The following TAFA1 variants were observed in gnomAD, a reference collection of about 807,000 sequenced individuals.
The protein encoded by TAFA1 is TAFA chemokine like family member 1, also known as chemokine-like protein TAFA-1.
In TAFA1, 4 loss-of-function variants were observed where a neutral mutation model predicts 18.5. The ratio of observed to expected loss-of-function variants is 0.22; its 90% CI spans 0.11 to 0.49. TAFA1 has a LOEUF of 0.49. Among genes scored for constraint, TAFA1 ranks in the 20% least tolerant of loss-of-function variants. TAFA1 has a pLI of 0.98. For synonymous variants in TAFA1, 56 were observed against 55.2 expected (o/e 1.01, Z -0.06); for missense variants, 147 against 169.0 (o/e 0.87, Z 0.72).
intron 2 of TAFA1, among the ~76,000 whole-genome samples, chr3:68,035,670 C>T (rs1164087985): frequency 6.6e-6 from 1 of 152,098 alleles, no homozygotes; most frequent in Admixed American, 6.6e-5. Context: ...TGCAGAAATC[C>T]CACTTCTGAG....
intron 2 of TAFA1, among the ~76,000 whole-genome samples, chr3:68,297,678 G>T (rs983578205): frequency 1.3e-5 from 2 of 151,964 alleles, no homozygotes; most frequent in Non-Finnish European, 2.9e-5. Context: ...ATTTAATGAA[G>T]AGGAAAGTTT....
intron 2 of TAFA1, among the ~76,000 whole-genome samples, chr3:68,258,388 G>T (rs922281167): frequency 6.6e-6 from 1 of 152,136 alleles, no homozygotes; most frequent in Non-Finnish European, 1.5e-5. Flanking sequence ...GGCTTCAATT[G>T]GTCAGGACTT....
At chr3:68,076,615 T>C (rs1280994275) in intron 2 of TAFA1, among the ~76,000 whole-genome samples, 1 of 152,262 alleles carries the variant, frequency 6.6e-6, no homozygotes, top group Non-Finnish European at 1.5e-5. Context: ...ATTTCATCCA[T>C]GTCCCTACAA....
intron 2 of TAFA1, among the ~76,000 whole-genome samples, chr3:68,052,932 GACAA>G (rs1312859614): frequency 6.6e-6 from 1 of 152,242 alleles, no homozygotes; most frequent in East Asian, 1.9e-4. Flanking sequence ...ATCTCTACTG[GACAA>G]TATTCATTTT....
chr3:68,278,998 T>A (rs1315827662), intron 2 of TAFA1, among the ~76,000 whole-genome samples: 2 of 152,148 alleles, frequency 1.3e-5, no homozygotes, highest in Non-Finnish European at 2.9e-5. Flanking sequence ...GGCCCTGATA[T>A]TTAGCTTCTC....
At chr3:68,440,039 GT>G (rs1436069446) in intron 3 of TAFA1, among the ~76,000 whole-genome samples, 2 of 140,378 alleles carry the variant, frequency 1.4e-5, no homozygotes, top group Non-Finnish European at 3.1e-5. Flanking sequence ...GTTTAGCTGT[GT>G]CCCCCCCCTC....
intron 2 of TAFA1, among the ~76,000 whole-genome samples, chr3:68,352,274 C>A (rs2069283592): frequency 2.0e-5 from 3 of 152,022 alleles, no homozygotes; most frequent in African/African-American, 4.8e-5. Context: ...CAAGAGAAAA[C>A]AAGCAGGTTT....
chr3:68,305,429 A>C (rs1384700461), intron 2 of TAFA1, among the ~76,000 whole-genome samples: 9 of 98,974 alleles, frequency 9.1e-5, no homozygotes, highest in East Asian at 3.6e-4. Flanking sequence ...ATATATATAT[A>C]TATATATATA....
chr3:68,360,696 C>T (rs751946789), intron 2 of TAFA1, among the ~76,000 whole-genome samples: 7 of 151,884 alleles, frequency 4.6e-5, no homozygotes, highest in Non-Finnish European at 1.0e-4. Context: ...TTTAAACTCA[C>T]AGCTTGGCCT....
At chr3:68,389,621 C>T (rs1390575448) in intron 2 of TAFA1, among the ~76,000 whole-genome samples, 1 of 152,118 alleles carries the variant, frequency 6.6e-6, no homozygotes, top group African/African-American at 2.4e-5. Context: ...GCAACAACAG[C>T]AGAGAAGGCG....
intron 3 of TAFA1, among the ~76,000 whole-genome samples, chr3:68,423,434 A>T (rs943563555): frequency 1.3e-5 from 2 of 152,142 alleles, no homozygotes; most frequent in Non-Finnish European, 2.9e-5. Context: ...TTCATCAAGC[A>T]TAGGCAAACT....
chr3:68,225,582 C>T (rs2066788889), intron 2 of TAFA1, among the ~76,000 whole-genome samples: 1 of 152,112 alleles, frequency 6.6e-6, no homozygotes, highest in Non-Finnish European at 1.5e-5. Flanking sequence ...TATGTATTTC[C>T]TGAGCACTTA....
intron 2 of TAFA1, among the ~76,000 whole-genome samples, chr3:68,190,452 T>C (rs955735814): frequency 6.6e-6 from 1 of 151,924 alleles, no homozygotes; most frequent in Non-Finnish European, 1.5e-5. Flanking sequence ...AATATTGAAG[T>C]AGGAAAAGTA....
At chr3:68,040,909 CT>C (rs759997386) in intron 2 of TAFA1, among the ~76,000 whole-genome samples, 2 of 152,136 alleles carry the variant, frequency 1.3e-5, no homozygotes, top group African/African-American at 2.4e-5. Context: ...TGTTTCAAAA[CT>C]TTTTTTCTTT....
intron 4 of TAFA1, among the ~76,000 whole-genome samples, chr3:68,540,469 T>G (rs1314433478): frequency 6.6e-6 from 1 of 152,232 alleles, no homozygotes; most frequent in East Asian, 1.9e-4. Context: ...GGTTACCTTT[T>G]GCCTAAAACT....
chr3:68,151,191 T>TA (rs1225299924), intron 2 of TAFA1, among the ~76,000 whole-genome samples: 1 of 152,182 alleles, frequency 6.6e-6, no homozygotes, highest in Admixed American at 6.6e-5. Flanking sequence ...CCATAACTGT[T>TA]ACACAAGCTG....
At chr3:68,202,798 G>C (rs1559557135) in intron 2 of TAFA1, among the ~76,000 whole-genome samples, 1 of 151,556 alleles carries the variant, frequency 6.6e-6, no homozygotes, top group African/African-American at 2.4e-5. Context: ...ATATGTAATT[G>C]ATATGTTGTT....
At chr3:68,448,094 G>A (rs1430918028) in intron 3 of TAFA1, among the ~76,000 whole-genome samples, 2 of 152,152 alleles carry the variant, frequency 1.3e-5, no homozygotes, top group Non-Finnish European at 2.9e-5. Flanking sequence ...GAGAGCAGTA[G>A]GGTGTGTGAG....
chr3:68,195,789 C>A (rs1190824332), intron 2 of TAFA1, among the ~76,000 whole-genome samples: 1 of 151,468 alleles, frequency 6.6e-6, no homozygotes, highest in Non-Finnish European at 1.5e-5. Flanking sequence ...ATAATATTTT[C>A]TTTTTTCTTT....
Sources: gnomAD v4.1 joint callset for allele counts (sites outside exome capture counted in the v4.1 genomes callset) on GRCh38, gnomAD v4.1.1 for gene constraint, MANE v1.5 for transcripts, NCBI Gene and HGNC (gene_info 2026-07-23, HGNC 2026-07-21) for gene names.